Variants in UNC13C observed in about 807,000 individuals in gnomAD.
UNC13C encodes the protein unc-13 homolog C, also known as protein unc-13 homolog C.
UNC13C carries 174 observed loss-of-function variants against 245.4 expected under a neutral mutation model. The ratio of observed to expected loss-of-function variants is 0.71; its 90% CI spans 0.63 to 0.80. The LOEUF is 0.80. UNC13C is among the 30% of genes least tolerant of loss of function. The pLI is 0.00. For synonymous variants in UNC13C, 992 were observed against 895.1 expected, an observed-to-expected ratio of 1.11 and a Z score of -1.93; for missense variants, 2,829 against 2,602.9, an observed-to-expected ratio of 1.09 and a Z score of -1.89.
chr15:53,932,079 G>C, the UNC13C span, among the ~76,000 whole-genome samples: 1 of 152,120 alleles, frequency 6.6e-6, no homozygotes, highest in African/African-American at 2.4e-5. Context: ...GGGAGGCCAA[G>C]GTGGGCAGAT....
chr15:54,275,716 T>G (rs1596128059), intron 10 of UNC13C, among the ~76,000 whole-genome samples: 2 of 152,254 alleles, frequency 1.3e-5, no homozygotes, highest in East Asian at 3.9e-4. Context: ...AATTCTGTTG[T>G]TGGTGGGAAT....
chr15:54,261,464 C>A (rs2036422217), intron 8 of UNC13C, among the ~76,000 whole-genome samples: 1 of 152,182 alleles, frequency 6.6e-6, no homozygotes. Context: ...CTGAGCTAAA[C>A]AATCTAAGAT....
rs530052129 is a variant in UNC13C at position 54,410,706 on chromosome 15, A to G, written c.4848-4276A>G. Among the ~76,000 whole-genome samples, 9 of 151,196 alleles carry G rather than the reference A, an allele frequency of 6.0e-5. No individual in the cohort carries two copies. The East Asian group carries it at 9.8e-4, about 16-fold the overall frequency. On this transcript the variant is annotated intron_variant, in intron 18 of 32. Coordinates refer to ENST00000260323, the MANE Select transcript of UNC13C (RefSeq NM_001080534.3). ...ATTTCTGGGCTCTCTGTTCTGTTCC[A>G]TTGTTCTATGTGTCTTTCTTGGTGC... is the stretch of plus-strand genomic sequence containing the variant.
At chr15:54,568,837 T>G (rs1897626463) in intron 30 of UNC13C, among the ~76,000 whole-genome samples, 1 of 152,124 alleles carries the variant, frequency 6.6e-6, no homozygotes, top group African/African-American at 2.4e-5. Flanking sequence ...ATACATTAAT[T>G]TTTCTACCTA....
At chr15:54,600,803 T>A (rs776574438) in intron 30 of UNC13C, among the ~76,000 whole-genome samples, 1 of 152,094 alleles carries the variant, frequency 6.6e-6, no homozygotes, top group African/African-American at 2.4e-5. Flanking sequence ...TGAGTGTCCA[T>A]CATGGACCAA....
At chr15:54,465,662 G>A (rs1005034888) in intron 19 of UNC13C, among the ~76,000 whole-genome samples, 10 of 151,968 alleles carry the variant, frequency 6.6e-5, no homozygotes, top group African/African-American at 2.4e-4. Flanking sequence ...CACAGAGGCA[G>A]GAATAGTAGT....
intron 14 of UNC13C, among the ~76,000 whole-genome samples, chr15:54,330,439 C>T (rs974865834): frequency 4.6e-5 from 7 of 151,886 alleles, no homozygotes; most frequent in African/African-American, 7.3e-5. Context: ...AATGGAAGAA[C>T]GGATATTGGG....
chr15:54,402,668 C>T (rs1222313176), intron 18 of UNC13C, among the ~76,000 whole-genome samples: 1 of 152,032 alleles, frequency 6.6e-6, no homozygotes, highest in Non-Finnish European at 1.5e-5. Flanking sequence ...GATATCAGTA[C>T]CATTATCATC....
At chr15:54,456,656 A>G (rs2141018391) in intron 19 of UNC13C, among the ~76,000 whole-genome samples, 1 of 150,976 alleles carries the variant, frequency 6.6e-6, no homozygotes, top group East Asian at 1.9e-4. Flanking sequence ...AAAGGGTTTG[A>G]GTTCTTGATT....
upstream of UNC13C, among the ~76,000 whole-genome samples, chr15:53,973,724 A>G (rs2140936949): frequency 6.6e-6 from 1 of 152,290 alleles, no homozygotes; most frequent in South Asian, 2.1e-4. Context: ...CACATTTTTA[A>G]TTTTACTGAA....
chr15:54,277,847 G>A (rs941185688), intron 10 of UNC13C, among the ~76,000 whole-genome samples: 1 of 152,110 alleles, frequency 6.6e-6, no homozygotes, highest in African/African-American at 2.4e-5. Flanking sequence ...TGAGAGTAAT[G>A]TTGTAGAAAA....
chr15:54,107,412 C>T (rs1330260725), intron 2 of UNC13C, among the ~76,000 whole-genome samples: 1 of 152,092 alleles, frequency 6.6e-6, no homozygotes, highest in East Asian at 1.9e-4. Context: ...TTTTGATGCA[C>T]TTGAAGTACT....
chr15:54,322,986 T>C (rs2038203435), intron 14 of UNC13C, among the ~76,000 whole-genome samples: 1 of 145,870 alleles, frequency 6.9e-6, no homozygotes, highest in South Asian at 2.3e-4. Context: ...TCAGTAATCC[T>C]GTGAGACAGG....
At chr15:54,216,464 G>T (rs1373742118) in intron 4 of UNC13C, among the ~76,000 whole-genome samples, 1 of 151,862 alleles carries the variant, frequency 6.6e-6, no homozygotes, top group Non-Finnish European at 1.5e-5. Flanking sequence ...TCTTGAAATT[G>T]CTGGCATGTT....
At chr15:54,569,862 C>T (rs1221869616) in intron 30 of UNC13C, among the ~76,000 whole-genome samples, 1 of 151,726 alleles carries the variant, frequency 6.6e-6, no homozygotes, top group Non-Finnish European at 1.5e-5. Flanking sequence ...TAATTTTCTC[C>T]GTTAGCTACC....
intron 19 of UNC13C, among the ~76,000 whole-genome samples, chr15:54,477,856 A>G (rs1205318366): frequency 6.7e-6 from 1 of 148,272 alleles, no homozygotes; most frequent in African/African-American, 2.5e-5. Context: ...CTCTTTTTCT[A>G]TTGATTGGAA....
intron 19 of UNC13C, among the ~76,000 whole-genome samples, chr15:54,466,198 A>G (rs1210795760): frequency 6.6e-6 from 1 of 151,950 alleles, no homozygotes; most frequent in African/African-American, 2.4e-5. Context: ...AGGTGGGGAA[A>G]GAGAGGTTGG....
At chr15:54,277,804 C>T (rs1211435633) in intron 10 of UNC13C, among the ~76,000 whole-genome samples, 1 of 151,980 alleles carries the variant, frequency 6.6e-6, no homozygotes, top group African/African-American at 2.4e-5. Flanking sequence ...TGAGATGAAA[C>T]CAAATGATTT....
intron 17 of UNC13C, among the ~76,000 whole-genome samples, chr15:54,348,858 A>G (rs1176269113): frequency 6.6e-6 from 1 of 152,086 alleles, no homozygotes; most frequent in Non-Finnish European, 1.5e-5. Context: ...CATGATTTAA[A>G]TAGTAATCAT....
Sources: gnomAD v4.1 joint callset for allele counts (sites outside exome capture counted in the v4.1 genomes callset) on GRCh38, gnomAD v4.1.1 for gene constraint, MANE v1.5 for transcripts, NCBI Gene and HGNC (gene_info 2026-07-23, HGNC 2026-07-21) for gene names.